Variants in IL1RAPL1 observed in about 807,000 individuals in gnomAD.
The protein encoded by IL1RAPL1 is interleukin-1 receptor accessory protein-like 1.
IL1RAPL1 carries 3 observed loss-of-function variants against 48.4 expected under a neutral mutation model. That is an observed-to-expected ratio of 0.06 (90% CI 0.03 to 0.16). The LOEUF (loss-of-function observed/expected upper bound fraction) is 0.16, where lower values mean the gene tolerates loss of function less well. IL1RAPL1 is among the 10% of genes least tolerant of loss of function. The pLI is 1.00. For missense variants in IL1RAPL1, 349 were observed against 530.6 expected (o/e 0.66, Z 3.36); for synonymous variants, 185 against 187.7 (o/e 0.99, Z 0.12).
intron 5 of IL1RAPL1, among the ~76,000 whole-genome samples, chrX:29,399,796 G>C (rs1045451891): frequency 2.8e-5 from 3 of 107,175 alleles, no homozygotes; most frequent in Non-Finnish European, 3.9e-5. Context: ...TCCAGCCTGG[G>C]GGACAAGAGC....
At chrX:29,677,196 C>T (rs1409331842) in intron 6 of IL1RAPL1, among the ~76,000 whole-genome samples, 1 of 111,978 alleles carries the variant, frequency 8.9e-6, no homozygotes, top group African/African-American at 3.2e-5. Flanking sequence ...TGCAGACTCT[C>T]CATGAAAAAT....
At chrX:29,739,807 C>T (rs1377926315) in intron 6 of IL1RAPL1, among the ~76,000 whole-genome samples, 2 of 110,378 alleles carry the variant, frequency 1.8e-5, no homozygotes, top group Admixed American at 9.7e-5. Context: ...ACGTGTAATC[C>T]CAGCACTTTG....
chrX:29,643,971 T>C (rs1033816975), intron 5 of IL1RAPL1, among the ~76,000 whole-genome samples: 1 of 112,273 alleles, frequency 8.9e-6, no homozygotes, highest in African/African-American at 3.2e-5. Flanking sequence ...ATATATTTTT[T>C]CAAGATATAT....
At chrX:28,701,171 C>T (rs187123316) in intron 1 of IL1RAPL1, among the ~76,000 whole-genome samples, 1 of 111,685 alleles carries the variant, frequency 9.0e-6, no homozygotes, top group East Asian at 2.8e-4. Flanking sequence ...CTCCCACCAA[C>T]AATGTAAAAG....
At chrX:29,420,707 A>G (rs1934280801) in intron 5 of IL1RAPL1, among the ~76,000 whole-genome samples, 1 of 112,823 alleles carries the variant, frequency 8.9e-6, no homozygotes, top group African/African-American at 3.2e-5. Flanking sequence ...AATGTTTAAT[A>G]AGCAAAAGCT....
chrX:29,340,789 T>C (rs1933062865), intron 3 of IL1RAPL1, among the ~76,000 whole-genome samples: 1 of 111,308 alleles, frequency 9.0e-6, no homozygotes, highest in African/African-American at 3.3e-5. Context: ...GATGATGGAG[T>C]GAAAAGGTGA....
chrX:29,722,882 A>G (rs927763917), intron 6 of IL1RAPL1, among the ~76,000 whole-genome samples: 2 of 112,027 alleles, frequency 1.8e-5, no homozygotes, highest in African/African-American at 6.5e-5. Flanking sequence ...TGCTTTCTCT[A>G]TTTTTCGAGG....
chrX:29,562,190 G>A (rs1922258838), intron 5 of IL1RAPL1, among the ~76,000 whole-genome samples: 1 of 103,901 alleles, frequency 9.6e-6, no homozygotes, highest in South Asian at 4.4e-4. Flanking sequence ...AGTAGAGACA[G>A]GGTCTTACTG....
At chrX:28,854,692 T>C (rs905671859) in intron 2 of IL1RAPL1, among the ~76,000 whole-genome samples, 4 of 110,918 alleles carry the variant, frequency 3.6e-5, no homozygotes, top group East Asian at 5.7e-4. Flanking sequence ...GCAGGAACAA[T>C]TGGGGCAGGG....
chrX:29,257,827 G>C (rs1931782247), intron 2 of IL1RAPL1, among the ~76,000 whole-genome samples: 1 of 111,559 alleles, frequency 9.0e-6, no homozygotes, highest in Non-Finnish European at 1.9e-5. Flanking sequence ...TTTATAAGGA[G>C]AATTAGTCCC....
At chrX:29,065,952 T>C (rs939507565) in intron 2 of IL1RAPL1, among the ~76,000 whole-genome samples, 1 of 111,883 alleles carries the variant, frequency 8.9e-6, no homozygotes, top group African/African-American at 3.2e-5. Context: ...TTAAATATGG[T>C]CTCCTTTATT....
intron 3 of IL1RAPL1, among the ~76,000 whole-genome samples, chrX:29,302,562 G>T (rs1932553034): frequency 8.9e-6 from 1 of 112,170 alleles, no homozygotes; most frequent in South Asian, 3.7e-4. Flanking sequence ...CTATAGTAAA[G>T]TTCCCATGAC....
chrX:29,262,276 A>G (rs1931873790), intron 2 of IL1RAPL1, among the ~76,000 whole-genome samples: 1 of 112,292 alleles, frequency 8.9e-6, no homozygotes, highest in African/African-American at 3.2e-5. Context: ...TAATGAGTTT[A>G]TTTTGTGATA....
intron 5 of IL1RAPL1, among the ~76,000 whole-genome samples, chrX:29,449,320 G>A (rs1017482768): frequency 1.3e-4 from 14 of 110,941 alleles, no homozygotes; most frequent in Non-Finnish European, 2.1e-4. Context: ...TAATGATGAT[G>A]GGGTAACAGT....
At chrX:29,509,769 T>C (rs899216611) in intron 5 of IL1RAPL1, among the ~76,000 whole-genome samples, 1 of 112,378 alleles carries the variant, frequency 8.9e-6, no homozygotes, top group African/African-American at 3.2e-5. Flanking sequence ...TTTGAATGCA[T>C]GTATTAATAT....
chrX:28,689,697 G>A (rs1323711859), intron 1 of IL1RAPL1, among the ~76,000 whole-genome samples: 1 of 111,759 alleles, frequency 8.9e-6, no homozygotes, highest in Non-Finnish European at 1.9e-5. Flanking sequence ...TTTTCTCAAT[G>A]CTACATAATC....
Position 28,840,893 on chromosome X carries a change from G to A in IL1RAPL1, c.82+51468G>A, listed in dbSNP as rs372327180. On this transcript the variant is annotated intron_variant, in intron 2 of 10. Coordinates refer to ENST00000378993, the MANE Select transcript of IL1RAPL1 (RefSeq NM_014271.4). ...AAATCATCTTAACAGCAACAAGTAT[G>A]GAACCTAATTTCCAATGGAAATATG... Among the ~76,000 whole-genome samples, 46 of 110,424 alleles carry A rather than the reference G, an allele frequency of 4.2e-4. No individual in the cohort carries two copies. In the East Asian group the frequency reaches 7.2e-3, roughly 17 times the overall value.
rs763428575 is a variant in IL1RAPL1 at position 29,744,279 on chromosome X, CA to C, written c.778+75781del. Among the ~76,000 whole-genome samples the C allele has an allele frequency of 1.1e-4, 12 of 111,377 alleles. No homozygotes were observed. In the East Asian group the frequency reaches 1.7e-3, roughly 16 times the overall value. On this transcript the variant is annotated intron_variant, in intron 6 of 10. Transcript: ENST00000378993. ...TGTGACAATGTTGTTAAGTATGATG[CA>C]AAAAAGTCCAAAGACCTTTTAAATA...
chrX:29,772,234 T>C (rs887001882), intron 6 of IL1RAPL1, among the ~76,000 whole-genome samples: 1 of 96,450 alleles, frequency 1.0e-5, no homozygotes, highest in African/African-American at 4.0e-5. Flanking sequence ...CTGGGTGACA[T>C]TGTGAGACCC....
Sources: allele counts gnomAD v4.1 joint callset (sites outside exome capture counted in the v4.1 genomes callset), GRCh38; gene constraint gnomAD v4.1.1; transcripts MANE v1.5; gene names NCBI Gene and HGNC (gene_info 2026-07-23, HGNC 2026-07-21).